The following LRPPRC variants were observed in gnomAD, a reference collection of about 807,000 sequenced individuals.
The protein encoded by LRPPRC is leucine rich pentatricopeptide repeat containing.
LRPPRC carries 120 observed loss-of-function variants against 180.3 expected under a neutral mutation model. That is an observed-to-expected ratio of 0.67 (90% CI 0.57 to 0.77). LRPPRC has a LOEUF of 0.77. Among genes scored for constraint, LRPPRC ranks in the 30% least tolerant of loss-of-function variants. The pLI is 0.00. For missense variants in LRPPRC, 2,012 were observed against 1,657.2 expected (o/e 1.21, Z -3.72); for synonymous variants, 723 against 600.0 (o/e 1.21, Z -3.00).
chr2:43,916,376 C>T (rs1375143939), intron 29 of LRPPRC, among the ~76,000 whole-genome samples: 7 of 151,888 alleles, frequency 4.6e-5, no homozygotes, highest in African/African-American at 1.2e-4. Context: ...GGGTTAAAGA[C>T]GGTCATAAAA....
At chr2:43,987,763 T>C (rs1253535880) in intron 1 of LRPPRC, among the ~76,000 whole-genome samples, 2 of 152,132 alleles carry the variant, frequency 1.3e-5, no homozygotes, top group African/African-American at 2.4e-5. Context: ...CTCAAAACCA[T>C]CTTTTTTCAA....
chr2:43,975,329 TATG>T (rs1181071264), intron 6 of LRPPRC, 112 bp from the exon 7 acceptor site: 1 of 855,832 alleles, frequency 1.2e-6, no homozygotes, highest in East Asian at 2.8e-5. Flanking sequence ...CATTTGGAAT[TATG>T]ATGTCAGAAA....
intron 1 of LRPPRC, among the ~76,000 whole-genome samples, chr2:43,992,252 C>T (rs1674813865): frequency 6.6e-6 from 1 of 152,112 alleles, no homozygotes; most frequent in African/African-American, 2.4e-5. Flanking sequence ...CACTCAAAGG[C>T]AAGGAAATAT....
rs748133901 is a variant in LRPPRC at position 43,976,130 on chromosome 2, G to A, written c.737+13C>T. 1 of 1,555,880 alleles carries A rather than the reference G, an allele frequency of 6.4e-7. No individual in the cohort carries two copies. Among genetic ancestry groups the A allele is most frequent in the Admixed American group, 1.7e-5 (1 of 59,910 alleles). Reference sequence around the variant, plus strand: ...CTATCACTTAAGAACCAAAACCTTAGGTTGAACATTACCCAGCTCTGGCAT... The same window carrying A: ...CTATCACTTAAGAACCAAAACCTTAAGTTGAACATTACCCAGCTCTGGCAT... On this transcript the variant is annotated intron_variant, in intron 6 of 37. Transcript: ENST00000260665.
intron 27 of LRPPRC, among the ~76,000 whole-genome samples, chr2:43,920,221 C>T (rs995864493): frequency 1.3e-5 from 2 of 151,962 alleles, no homozygotes; most frequent in African/African-American, 4.8e-5. Context: ...GTGTAACCTC[C>T]GCCTCCAGGG....
chr2:43,895,203 G>A (rs1670637081), intron 35 of LRPPRC, among the ~76,000 whole-genome samples: 1 of 152,110 alleles, frequency 6.6e-6, no homozygotes, highest in South Asian at 2.1e-4. Flanking sequence ...AACGTTACTG[G>A]ATAAACCCAT....
Position 43,947,722 on chromosome 2 carries a change from C to A in LRPPRC, c.1965+9G>T. 6.6e-7 allele frequency: 1 copy of A among 1,519,442 alleles called. No individual in the cohort carries two copies. The allele number at this position is 1,519,442 out of a possible 1,614,324, so 94.1% of individuals were successfully genotyped here. A position where few individuals can be genotyped will look rare whatever the true frequency, so the allele number is the denominator to read the frequency against. On this transcript the variant is annotated intron_variant, in intron 19 of 37. Coordinates refer to ENST00000260665, the MANE Select transcript of LRPPRC (RefSeq NM_133259.4). The stretch of plus-strand genomic sequence containing the variant: ...ATAGCATGTAGAATCTAGTCAAAAT[C>A]CTACTTACTTTTTGAAAGTCTAAAT...
intron 14 of LRPPRC, among the ~76,000 whole-genome samples, chr2:43,954,692 C>T (rs190709930): frequency 6.6e-6 from 1 of 152,174 alleles, no homozygotes; most frequent in East Asian, 1.9e-4. Context: ...TGCACAAACA[C>T]ATATACATAT....
Position 43,912,233 on chromosome 2 carries a change from G to A in LRPPRC, c.3275+199C>T, listed in dbSNP as rs114082760. ...CTTAGTAAGCAAAATGTACTGCACTGTATATGGCCAGTAAAGGTGTTTTTT... is the reference window on the plus strand; with the variant it reads ...CTTAGTAAGCAAAATGTACTGCACTATATATGGCCAGTAAAGGTGTTTTTT... On this transcript the variant is annotated intron_variant, in intron 30 of 37. Coordinates refer to ENST00000260665, the MANE Select transcript of LRPPRC (RefSeq NM_133259.4). Among the ~76,000 whole-genome samples, 573 of 152,244 alleles carry A rather than the reference G, an allele frequency of 3.8e-3. 3 individuals carry two copies. The highest frequency in any genetic ancestry group is 6.0e-3 in the Non-Finnish European group (405 of 68,018).
intron 3 of LRPPRC, among the ~76,000 whole-genome samples, chr2:43,977,577 A>C (rs527364951): frequency 1.6e-3 from 245 of 152,284 alleles, no homozygotes; most frequent in African/African-American, 5.8e-3. Context: ...ATATCCCTAT[A>C]TTTAAAAGTG....
At chr2:43,893,584 A>G (rs757697137) in intron 36 of LRPPRC, among the ~76,000 whole-genome samples, 22 of 152,234 alleles carry the variant, frequency 1.4e-4, no homozygotes, top group Admixed American at 2.0e-4. Context: ...TTAAAAACAT[A>G]ATGCTATTGC....
rs1675048543 is a variant in LRPPRC at position 43,995,979 on chromosome 2, T to G, written c.-32A>C. The G allele has an allele frequency of 6.6e-7, 1 of 1,522,920 alleles. No homozygotes were observed. The highest frequency in any genetic ancestry group is 2.6e-5 in the East Asian group (1 of 39,178). 94.3% of individuals were successfully genotyped at this position (1,522,920 alleles called of 1,614,324 possible). A position where few individuals can be genotyped will look rare whatever the true frequency, so the allele number is the denominator to read the frequency against. On this transcript the variant is annotated 5_prime_UTR_variant, in exon 1 of 38. Transcript: ENST00000260665. Reference sequence around the variant, plus strand: ...AACGTCCCCGCAGCGGGAAGCACGCTCCGCCAGAAGGACAGGAGGAGCATG... The same window carrying G: ...AACGTCCCCGCAGCGGGAAGCACGCGCCGCCAGAAGGACAGGAGGAGCATG...
intron 1 of LRPPRC, among the ~76,000 whole-genome samples, chr2:43,987,724 C>G (rs1454517709): frequency 1.3e-5 from 2 of 152,242 alleles, no homozygotes; most frequent in African/African-American, 2.4e-5. Flanking sequence ...GCTTCAGCCT[C>G]TCTTCATACA....
chr2:43,946,372 A>G, intron 20 of LRPPRC, 129 bp from the exon 21 acceptor site: 1 of 709,866 alleles, frequency 1.4e-6, no homozygotes. Context: ...TCATGTTAAC[A>G]ACCTGACTCT....
At chr2:43,985,862 G>A (rs558510163) in intron 1 of LRPPRC, among the ~76,000 whole-genome samples, 2 of 152,280 alleles carry the variant, frequency 1.3e-5, no homozygotes, top group South Asian at 4.1e-4. Flanking sequence ...GTAAATCTAT[G>A]TTTAGCTTTC....
chr2:43,966,227 C>A (rs1673550345), intron 11 of LRPPRC, among the ~76,000 whole-genome samples: 1 of 151,484 alleles, frequency 6.6e-6, no homozygotes, highest in Non-Finnish European at 1.5e-5. Flanking sequence ...TACATCATCT[C>A]ACTTATATAT....
At chr2:43,893,426 A>G (rs1046747287) in intron 36 of LRPPRC, among the ~76,000 whole-genome samples, 2 of 152,228 alleles carry the variant, frequency 1.3e-5, no homozygotes, top group African/African-American at 4.8e-5. Flanking sequence ...GTCTTAAGAC[A>G]TCTCAACCTT....
chr2:43,913,908 T>A (rs1229080465), intron 29 of LRPPRC, among the ~76,000 whole-genome samples: 1 of 152,210 alleles, frequency 6.6e-6, no homozygotes, highest in Non-Finnish European at 1.5e-5. Flanking sequence ...TGTATTTCAC[T>A]TTTCTGAAAC....
chr2:43,944,811 G>A (rs990440251), intron 22 of LRPPRC, among the ~76,000 whole-genome samples: 1 of 152,036 alleles, frequency 6.6e-6, no homozygotes, highest in Non-Finnish European at 1.5e-5. Context: ...CAAATCAGCT[G>A]TGTAATCAGC....
Sources: allele counts gnomAD v4.1 joint callset (sites outside exome capture counted in the v4.1 genomes callset), GRCh38; gene constraint gnomAD v4.1.1; transcripts MANE v1.5; gene names NCBI Gene and HGNC (gene_info 2026-07-23, HGNC 2026-07-21).